The following DDX1 variants were observed in gnomAD, a reference collection of about 807,000 sequenced individuals.
DDX1 encodes the protein DEAD-box helicase 1.
In DDX1, 28 loss-of-function variants were observed where a neutral mutation model predicts 108.7. The observed-to-expected ratio is 0.26, with a 90% CI of 0.19 to 0.35. The LOEUF (loss-of-function observed/expected upper bound fraction) is 0.35, where lower values mean the gene tolerates loss of function less well. DDX1 is among the 10% of genes least tolerant of loss of function. The pLI is 1.00. For synonymous variants in DDX1, 295 were observed against 288.9 expected, an observed-to-expected ratio of 1.02 and a Z score of -0.21; for missense variants, 710 against 884.5, an observed-to-expected ratio of 0.80 and a Z score of 2.50.
intron 14 of DDX1, among the ~76,000 whole-genome samples, chr2:15,615,880 A>T (rs746565749): frequency 1.1e-4 from 17 of 151,976 alleles, no homozygotes; most frequent in Admixed American, 3.3e-4. Flanking sequence ...CACACTTTAT[A>T]TATTTTTATT....
At chr2:15,629,848 G>A (rs1666164227) in intron 24 of DDX1, 142 bp from the exon 25 acceptor site, 1 of 1,046,600 alleles carries the variant, frequency 9.6e-7, no homozygotes, top group Non-Finnish European at 1.4e-6. Flanking sequence ...TTTGCTAATT[G>A]TAAGTTGTGA....
chr2:15,623,428 T>C lies in DDX1; in HGVS notation c.1448-8T>C. On this transcript the variant is annotated splice_polypyrimidine_tract_variant and splice_region_variant and intron_variant, in intron 18 of 25. Coordinates refer to ENST00000233084, the MANE Select transcript of DDX1 (RefSeq NM_004939.3). ...CTGTTGGTTTTTGTTGTTGTTATGA[T>C]ATTCAAGAGATGTGGTCTGAAGCTA... 1 of 1,612,852 alleles carries C rather than the reference T, an allele frequency of 6.2e-7. No individual in the cohort carries two copies. Among genetic ancestry groups the C allele is most frequent in the African/African-American group, 1.3e-5 (1 of 75,010 alleles).
chr2:15,619,561 T>G (rs1665956748), intron 16 of DDX1, among the ~76,000 whole-genome samples: 1 of 152,368 alleles, frequency 6.6e-6, no homozygotes, highest in Admixed American at 6.5e-5. Context: ...TCATTAATGC[T>G]TATGAGCAGG....
rs747530205 is a variant in DDX1 at position 15,599,734 on chromosome 2, C to T, written c.307+18C>T. On this transcript the variant is annotated intron_variant, in intron 6 of 25. Transcript: ENST00000233084. ...TGCTTTTGGTAAGTGGATAGACTTT[C>T]CATCAGCTCATTTGTAATTCAGAAA... is the stretch of plus-strand genomic sequence containing the variant. The T allele has an allele frequency of 4.4e-6, 7 of 1,577,896 alleles. No individual in the cohort carries two copies. The highest frequency in any genetic ancestry group is 1.4e-5 in the African/African-American group (1 of 73,578).
Position 15,628,803 on chromosome 2 carries a change from T to G in DDX1, c.1839T>G (p.Gly613=). 1 of 1,613,836 alleles carries G rather than the reference T, an allele frequency of 6.2e-7. No homozygotes were observed. The highest frequency in any genetic ancestry group is 8.5e-7 in the Non-Finnish European group (1 of 1,179,770). ...IGRVGRAERM[G]LAISLVATEK... is the part of the protein sequence containing the mutation. ...GCTTTTAACCATCTTTCAGGATGGGTCTGGCAATTTCCCTGGTGGCAACAG... is the reference window on the plus strand; with the variant it reads ...GCTTTTAACCATCTTTCAGGATGGGGCTGGCAATTTCCCTGGTGGCAACAG... Residue 613 remains glycine (G), a synonymous_variant, in exon 23 of 26, where the codon GGT becomes GGG. Transcript: ENST00000233084.
rs370867394 is a variant in DDX1, at chr2:15,603,897, G to A, written c.552+7G>A. 1.9e-5 allele frequency: 31 copies of A among 1,594,830 alleles called. No homozygotes were observed. The highest frequency in any genetic ancestry group is 8.0e-5 in the African/African-American group (6 of 74,546). The stretch of plus-strand genomic sequence containing the variant: ...ATTTGATAATTATGGAGAGGTAAGC[G>A]ATTATGTTATGACTTCAACATAGCA... On this transcript the variant is annotated splice_region_variant and intron_variant, in intron 9 of 25. Coordinates refer to ENST00000233084, the MANE Select transcript of DDX1 (RefSeq NM_004939.3).
At chr2:15,610,751 A>T (rs546361188) in intron 13 of DDX1, among the ~76,000 whole-genome samples, 235 of 152,240 alleles carry the variant, frequency 1.5e-3, no homozygotes, top group African/African-American at 5.4e-3. Context: ...GATGAGAATA[A>T]TTTTTTCCAT....
At chr2:15,598,877 C>G (rs150355267) in intron 5 of DDX1, among the ~76,000 whole-genome samples, 1 of 151,050 alleles carries the variant, frequency 6.6e-6, no homozygotes, top group African/African-American at 2.4e-5. Context: ...TATAAAAAGG[C>G]GGATGAAAAA....
At chr2:15,629,021 G>A (rs1160653979) in intron 23 of DDX1, among the ~76,000 whole-genome samples, 182 bp downstream of exon 23, 1 of 152,068 alleles carries the variant, frequency 6.6e-6, no homozygotes, top group Non-Finnish European at 1.5e-5. Flanking sequence ...GTGAAATTTA[G>A]AAAGGAAAAA....
chr2:15,612,875 C>G (rs867325200), intron 13 of DDX1, among the ~76,000 whole-genome samples: 1 of 151,672 alleles, frequency 6.6e-6, no homozygotes, highest in Non-Finnish European at 1.5e-5. Flanking sequence ...GGCGTGGTGG[C>G]GCGTGCCTGC....
intron 6 of DDX1, among the ~76,000 whole-genome samples, 185 bp from the exon 7 acceptor site, chr2:15,602,363 T>C (rs573439140): frequency 2.0e-4 from 30 of 152,324 alleles, no homozygotes; most frequent in African/African-American, 7.0e-4. Context: ...AAATGGTTAA[T>C]TACACTTGGG....
At chr2:15,606,854 G>A (rs557336110) in intron 12 of DDX1, among the ~76,000 whole-genome samples, 5 of 152,208 alleles carry the variant, frequency 3.3e-5, no homozygotes, top group African/African-American at 9.6e-5. Flanking sequence ...GGATCTCACT[G>A]TGTCACCCAG....
At chr2:15,595,249 C>T in intron 2 of DDX1, 53 bp downstream of exon 2, 4 of 1,394,086 alleles carry the variant, frequency 2.9e-6, no homozygotes, top group Admixed American at 2.1e-5. Context: ...ATAATTTAAA[C>T]AGTTGTTAGT....
In DDX1 at chr2:15,628,452, A is replaced by T; in HGVS notation, c.1694A>T (p.Asp565Val). 1 of 1,611,608 alleles carries T rather than the reference A, an allele frequency of 6.2e-7. No homozygotes were observed. Among genetic ancestry groups the T allele is most frequent in the South Asian group, 1.1e-5 (1 of 91,036 alleles). Residue 565 changes from aspartate to valine, a missense_variant, in exon 21 of 26, where the codon GAT (aspartate) becomes GTT (valine). Physicochemically the swap from Asp to Val is radical, Grantham distance 152. Transcript: ENST00000233084. ...KQNLERFKKG[D>V]VRFLICTDVA... ...CTTCACTGTTCTCTTTAGAAAGGAG[A>T]TGTAAGATTCTTGATTTGCACAGAT...
chr2:15,595,404 T>G (rs1388079179), intron 2 of DDX1, 86 bp from the exon 3 acceptor site: 2 of 1,154,840 alleles, frequency 1.7e-6, no homozygotes, highest in Non-Finnish European at 2.6e-6. Context: ...ACGTAAAATT[T>G]TCTTTTAGGC....
chr2:15,595,534 G>T lies in DDX1; in HGVS notation c.113G>T (p.Gly38Val), dbSNP rs1426998859. 1 of 1,609,940 alleles carries T rather than the reference G, an allele frequency of 6.2e-7. No individual in the cohort carries two copies. Among genetic ancestry groups the T allele is most frequent in the Non-Finnish European group, 8.5e-7 (1 of 1,176,230 alleles). The change falls in exon 3 of 26, where the codon GGA becomes GTA. Residue 38 changes from glycine (G) to valine (V), a missense_variant. Coordinates refer to ENST00000233084, the MANE Select transcript of DDX1 (RefSeq NM_004939.3). ...GCTGAATCTATCCCATTGATCTTAG[G>T]AGGAGGTGATGTACTTATGGTAAGT... ...IQAESIPLIL[G>V]GGDVLMAAET...
intron 8 of DDX1, among the ~76,000 whole-genome samples, 157 bp downstream of exon 8, chr2:15,603,432 A>G (rs992306342): frequency 1.3e-5 from 2 of 152,222 alleles, no homozygotes; most frequent in Admixed American, 6.5e-5. Context: ...TCCAAAAAGG[A>G]TTTGAAGGAA....
At chr2:15,619,925 C>T (rs184029574) in intron 16 of DDX1, among the ~76,000 whole-genome samples, 2 of 152,148 alleles carry the variant, frequency 1.3e-5, no homozygotes, top group Admixed American at 6.5e-5. Context: ...AGGGGACAGA[C>T]AGTAATACAG....
Position 15,591,927 on chromosome 2 carries a change from G to A in DDX1, c.-7G>A, listed in dbSNP as rs374574854. The A allele has an allele frequency of 1.5e-5, 22 of 1,449,164 alleles. No homozygotes were observed. The highest frequency in any genetic ancestry group is 3.6e-4 in the Middle Eastern group (2 of 5,568). The allele number at this position is 1,449,164 out of a possible 1,614,324, so 89.8% of individuals were successfully genotyped here. A position where few individuals can be genotyped will look rare whatever the true frequency, so the allele number is the denominator to read the frequency against. On this transcript the variant is annotated 5_prime_UTR_variant, in exon 1 of 26. Coordinates refer to ENST00000233084, the MANE Select transcript of DDX1 (RefSeq NM_004939.3). ...GAGCAGGCGAAGCCGCGGAGGACGG[G>A]GTGAAGATGGCGGCCTTCTCCGGTG...
Sources: gnomAD v4.1 joint callset for allele counts (sites outside exome capture counted in the v4.1 genomes callset) on GRCh38, gnomAD v4.1.1 for gene constraint, MANE v1.5 for transcripts, NCBI Gene and HGNC (gene_info 2026-07-23, HGNC 2026-07-21) for gene names.